ZFHX3: variants seen among roughly 807,000 people sequenced by gnomAD.
ZFHX3 encodes the protein zinc finger homeobox protein 3.
Under a neutral mutation model 279.1 loss-of-function variants are expected in ZFHX3, and 42 were observed. The ratio of observed to expected loss-of-function variants is 0.15; its 90% CI spans 0.12 to 0.19. ZFHX3 has a LOEUF of 0.19. Among genes scored for constraint, ZFHX3 ranks in the 10% least tolerant of loss-of-function variants. The pLI, the probability that ZFHX3 is intolerant of heterozygous loss-of-function variation, is 1.00. For missense variants in ZFHX3, 4,981 were observed against 4,754.0 expected, an observed-to-expected ratio of 1.05 and a Z score of -1.40; for synonymous variants, 2,293 against 1,957.8, an observed-to-expected ratio of 1.17 and a Z score of -4.52.
intron 6 of ZFHX3, among the ~76,000 whole-genome samples, chr16:73,133,796 C>A (rs895729837): frequency 7.9e-5 from 12 of 152,306 alleles, no homozygotes; most frequent in African/African-American, 2.9e-4. Flanking sequence ...TTTCTTGGGA[C>A]ATACCCTGTT....
chr16:73,412,757 G>C (rs1389044995), intron 3 of ZFHX3, among the ~76,000 whole-genome samples: 1 of 152,178 alleles, frequency 6.6e-6, no homozygotes, highest in Non-Finnish European at 1.5e-5. Context: ...ATTTCACCCA[G>C]GTTCCGAACA....
rs1407410568 is a variant in ZFHX3 at position 72,950,979 on chromosome 16, G to A, written c.2720-14C>T. ...TCTCACCGCCCACTGCAGGGAAGGA[G>A]AGAAGGAGAGAGTCAGACACCAGGC... On this transcript the variant is annotated splice_polypyrimidine_tract_variant and intron_variant, in intron 2 of 9. Coordinates refer to ENST00000268489, the MANE Select transcript of ZFHX3 (RefSeq NM_006885.4). 1 of 1,603,426 alleles carries A rather than the reference G, an allele frequency of 6.2e-7. No homozygotes were observed. Among genetic ancestry groups the A allele is most frequent in the East Asian group, 2.2e-5 (1 of 44,636 alleles).
intron 1 of ZFHX3, among the ~76,000 whole-genome samples, chr16:73,724,486 C>T (rs553635817): frequency 6.6e-6 from 1 of 152,322 alleles, no homozygotes; most frequent in South Asian, 2.1e-4. Flanking sequence ...TTTGGTGAGA[C>T]TTGGGGTGCC....
intron 2 of ZFHX3, among the ~76,000 whole-genome samples, chr16:73,608,142 CA>C (rs1436587505): frequency 1.3e-5 from 2 of 151,982 alleles, no homozygotes; most frequent in Non-Finnish European, 2.9e-5. Flanking sequence ...AATAACACTG[CA>C]ATCCCCTCCT....
In ZFHX3 at chr16:73,675,822, G is replaced by A. The variant is rs550806922; in HGVS notation, c.-1547+4358C>T. The stretch of plus-strand genomic sequence containing the variant: ...AAAAAAACAATACACATACACGCAC[G>A]CACATATGCACACACACTGACACAG... On this transcript the variant is annotated intron_variant, in intron 2 of 17. Coordinates refer to the ZFHX3 transcript ENST00000641206. Among the ~76,000 whole-genome samples, 314 of 151,708 alleles carry A rather than the reference G, an allele frequency of 2.1e-3. 1 individual carries two copies. Among genetic ancestry groups the A allele is most frequent in the African/African-American group, 7.0e-3 (290 of 41,376 alleles).
At chr16:73,208,965 T>A (rs567799138) in intron 5 of ZFHX3, among the ~76,000 whole-genome samples, 1 of 152,198 alleles carries the variant, frequency 6.6e-6, no homozygotes, top group Non-Finnish European at 1.5e-5. Context: ...CCAATGCAAT[T>A]GCCATTTTTT....
intron 1 of ZFHX3, among the ~76,000 whole-genome samples, chr16:73,747,457 T>C (rs991172301): frequency 1.3e-5 from 2 of 152,210 alleles, no homozygotes; most frequent in Admixed American, 6.5e-5. Flanking sequence ...CATCTGTCTC[T>C]GAGTGAGCAA....
In ZFHX3 at chr16:73,185,164, C is replaced by T. The variant is rs1490148935; in HGVS notation, c.-1103-41333G>A. Among the ~76,000 whole-genome samples, 3 of 152,066 alleles carry T rather than the reference C, an allele frequency of 2.0e-5. 1 individual carries two copies. The highest frequency in any genetic ancestry group is 7.2e-5 in the African/African-American group (3 of 41,396). On this transcript the variant is annotated intron_variant, in intron 5 of 17. Transcript: ENST00000641206. ...AGTCAATATTTTAAAGAAGGGACGA[C>T]CTGAGCAGAGCTGTGCTTTATAAGA...
chr16:73,534,650 G>A (rs554005796), intron 2 of ZFHX3, among the ~76,000 whole-genome samples: 81 of 152,270 alleles, frequency 5.3e-4, no homozygotes, highest in African/African-American at 1.8e-3. Context: ...TAGGTGTTCT[G>A]AGGATCAAAT....
intron 1 of ZFHX3, among the ~76,000 whole-genome samples, chr16:73,883,524 G>C (rs183363356): frequency 6.6e-6 from 1 of 151,998 alleles, no homozygotes; most frequent in Admixed American, 6.6e-5. Flanking sequence ...AGACAACAAT[G>C]ACATGTGCAC....
In ZFHX3 at chr16:73,772,408, T is replaced by C. The variant is rs1005328382; in HGVS notation, c.-1607-92168A>G. On this transcript the variant is annotated intron_variant, in intron 1 of 17. Transcript: ENST00000641206. Reference sequence around the variant, plus strand: ...AACCATCAGATCTTGTAAGACTTACTTGCCATCACGCGAACAGCATGGGAA... The same window carrying C: ...AACCATCAGATCTTGTAAGACTTACCTGCCATCACGCGAACAGCATGGGAA... Among the ~76,000 whole-genome samples the C allele has an allele frequency of 4.6e-5, 7 of 152,262 alleles. No individual in the cohort carries two copies. The East Asian group carries it at 1.4e-3, about 29-fold the overall frequency.
At chr16:73,863,395 A>G (rs1465448434) in intron 1 of ZFHX3, among the ~76,000 whole-genome samples, 1 of 152,118 alleles carries the variant, frequency 6.6e-6, no homozygotes, top group Non-Finnish European at 1.5e-5. Flanking sequence ...TGTGAACAGC[A>G]GGACGCCAAA....
intron 4 of ZFHX3, among the ~76,000 whole-genome samples, chr16:72,861,138 T>A (rs1278838214): frequency 1.3e-5 from 2 of 152,222 alleles, no homozygotes; most frequent in Non-Finnish European, 2.9e-5. Context: ...TGTGTTGACA[T>A]CACCCTTCTG....
upstream of ZFHX3, among the ~76,000 whole-genome samples, chr16:73,048,866 T>C (rs1965396161): frequency 6.6e-6 from 1 of 152,200 alleles, no homozygotes; most frequent in Non-Finnish European, 1.5e-5. Context: ...GAGAGATCAC[T>C]AGAAAGATAG....
intron 7 of ZFHX3, among the ~76,000 whole-genome samples, chr16:73,114,749 G>C (rs1966412642): frequency 6.6e-6 from 1 of 152,194 alleles, no homozygotes; most frequent in South Asian, 2.1e-4. Context: ...AATAAGTTTT[G>C]CCACCTTGTG....
chr16:73,364,951 C>T (rs1168161812), intron 3 of ZFHX3, among the ~76,000 whole-genome samples: 2 of 152,196 alleles, frequency 1.3e-5, no homozygotes, highest in African/African-American at 4.8e-5. Flanking sequence ...GGACACACGT[C>T]GCCTCCACCC....
At chr16:73,072,444 CAAAAAA>C (rs71156138) in intron 8 of ZFHX3, among the ~76,000 whole-genome samples, 2 of 97,756 alleles carry the variant, frequency 2.0e-5, no homozygotes, top group Admixed American at 9.9e-5. Flanking sequence ...AACTCCGTCT[CAAAAAA>C]AAAAAAAAAA....
chr16:72,790,908 C>A (rs138273691), intron 9 of ZFHX3: 2 of 152,322 alleles, frequency 1.3e-5, no homozygotes, highest in Non-Finnish European at 2.9e-5. Context: ...GTGTCTTCAA[C>A]TGATGGTCTA....
In ZFHX3 at chr16:72,796,835, C is replaced by T; in HGVS notation, c.5847G>A (p.Leu1949=). ...DARGNATKAL[L]ENFGFELVIQ... ...TGACCAACTCAAAGCCAAAGTTCTC[C>T]AGCAGGGCCTTGGTGGCGTTCCCTC... Residue 1949 remains leucine, a synonymous_variant, in exon 9 of 10, where the codon CTG becomes CTA. Coordinates refer to ENST00000268489, the MANE Select transcript of ZFHX3 (RefSeq NM_006885.4). The T allele has an allele frequency of 6.2e-7, 1 of 1,613,494 alleles. No individual in the cohort carries two copies. The highest frequency in any genetic ancestry group is 8.5e-7 in the Non-Finnish European group (1 of 1,179,912).
Sources: allele counts gnomAD v4.1 joint callset (sites outside exome capture counted in the v4.1 genomes callset), GRCh38; gene constraint gnomAD v4.1.1; transcripts MANE v1.5; gene names NCBI Gene and HGNC (gene_info 2026-07-23, HGNC 2026-07-21).